SH3RF3: variants seen among roughly 807,000 people sequenced by gnomAD.
The protein encoded by SH3RF3 is SH3 domain containing ring finger 3.
In SH3RF3, 29 loss-of-function variants were observed where a neutral mutation model predicts 66.3. The ratio of observed to expected loss-of-function variants is 0.44; its 90% CI spans 0.33 to 0.60. The LOEUF (loss-of-function observed/expected upper bound fraction) is 0.60. Ranked by LOEUF, SH3RF3 falls within the 20% of genes least tolerant of loss-of-function variation. The probability of loss-of-function intolerance (pLI) is 0.04; values close to 1 mark genes in which losing one functional copy is unlikely to be tolerated. For synonymous variants in SH3RF3, 583 were observed against 532.0 expected (o/e 1.10, Z -1.32); for missense variants, 1,194 against 1,190.9 (o/e 1.00, Z -0.04).
chr2:109,361,267 T>C (rs1402265375), intron 2 of SH3RF3, among the ~76,000 whole-genome samples: 1 of 152,240 alleles, frequency 6.6e-6, no homozygotes, highest in Non-Finnish European at 1.5e-5. Flanking sequence ...GTTCATGAGA[T>C]ATATAGGTCT....
chr2:109,497,716 C>T (rs1679291264), intron 9 of SH3RF3, among the ~76,000 whole-genome samples: 1 of 152,212 alleles, frequency 6.6e-6, no homozygotes, highest in African/African-American at 2.4e-5. Flanking sequence ...ACGTTAAACA[C>T]TTGTCTCGTA....
chr2:109,193,713 G>A (rs183992095), intron 1 of SH3RF3, among the ~76,000 whole-genome samples: 11 of 152,284 alleles, frequency 7.2e-5, no homozygotes, highest in African/African-American at 2.4e-4. Flanking sequence ...TCAGTATGTA[G>A]TATACATTCT....
chr2:109,158,659 A>G (rs1291722024), intron 1 of SH3RF3, among the ~76,000 whole-genome samples: 1 of 152,210 alleles, frequency 6.6e-6, no homozygotes, highest in African/African-American at 2.4e-5. Context: ...GAGCATCCCT[A>G]TTTCTTCTGA....
At chr2:109,358,772 A>T (rs1409847338) in intron 2 of SH3RF3, among the ~76,000 whole-genome samples, 1 of 152,222 alleles carries the variant, frequency 6.6e-6, no homozygotes, top group Non-Finnish European at 1.5e-5. Flanking sequence ...TGCAGAGTAC[A>T]AATTACTAAT....
chr2:109,371,376 C>T (rs538703426), intron 2 of SH3RF3, among the ~76,000 whole-genome samples: 39 of 152,298 alleles, frequency 2.6e-4, no homozygotes, highest in Admixed American at 1.0e-3. Flanking sequence ...GGTGGCAGAG[C>T]GAGACTCCGC....
At chr2:109,142,886 A>G (rs908365702) in intron 1 of SH3RF3, among the ~76,000 whole-genome samples, 3 of 152,104 alleles carry the variant, frequency 2.0e-5, no homozygotes. Flanking sequence ...CAGGTTGAGG[A>G]ATTGTCAAGG....
intron 4 of SH3RF3, among the ~76,000 whole-genome samples, chr2:109,401,249 G>A (rs560210802): frequency 1.3e-5 from 2 of 152,232 alleles, no homozygotes; most frequent in Non-Finnish European, 1.5e-5. Flanking sequence ...AACTGTTGGC[G>A]ATGTGAACAG....
chr2:109,488,323 C>T (rs1573292863), intron 8 of SH3RF3, among the ~76,000 whole-genome samples: 1 of 152,304 alleles, frequency 6.6e-6, no homozygotes, highest in East Asian at 1.9e-4. Context: ...TTGTGACAGC[C>T]CAGATGTCTT....
intron 1 of SH3RF3, among the ~76,000 whole-genome samples, chr2:109,338,308 G>A (rs1291871300): frequency 3.9e-5 from 6 of 152,138 alleles, no homozygotes; most frequent in Admixed American, 1.3e-4. Flanking sequence ...CAGGCAGGGT[G>A]TGGCAGAATT....
At chr2:109,153,102 A>G (rs1482453497) in intron 1 of SH3RF3, among the ~76,000 whole-genome samples, 1 of 152,100 alleles carries the variant, frequency 6.6e-6, no homozygotes, top group Non-Finnish European at 1.5e-5. Context: ...TTGTCAGAAA[A>G]CCCATTCCCA....
rs141529387 is a variant in SH3RF3, at chr2:109,379,467, C to G, written c.945+7786C>G. On this transcript the variant is annotated intron_variant, in intron 3 of 9. Transcript: ENST00000309415. ...TTCACTGCTGGTGTTCCCTACACTT[C>G]TGCTGACAGATGTGGCCGCTGCTTC... 2.9e-4 allele frequency among the ~76,000 whole-genome samples: 44 copies of G among 152,352 alleles called. No homozygotes were observed. In the East Asian group the frequency reaches 7.3e-3, roughly 25 times the overall value.
intron 1 of SH3RF3, among the ~76,000 whole-genome samples, chr2:109,295,552 A>G (rs1681287540): frequency 6.6e-6 from 1 of 152,208 alleles, no homozygotes; most frequent in African/African-American, 2.4e-5. Flanking sequence ...TGTTGAGAGA[A>G]GGAGGTCTCA....
At chr2:109,142,161 G>A (rs1004881098) in intron 1 of SH3RF3, among the ~76,000 whole-genome samples, 2 of 152,052 alleles carry the variant, frequency 1.3e-5, no homozygotes, top group African/African-American at 2.4e-5. Flanking sequence ...GAGCAGCAAG[G>A]GAATGCTTCC....
At position 109,382,029 on chromosome 2, in the gene SH3RF3, A is replaced by G. The variant is rs565021945; in HGVS notation, c.945+10348A>G. On this transcript the variant is annotated intron_variant, in intron 3 of 9. Coordinates refer to ENST00000309415, the MANE Select transcript of SH3RF3 (RefSeq NM_001099289.3). ...CAAAGACAGCCTGTGCACAGCCTCC[A>G]TAAGTTGCTGAAACTGGCTTGAGGT... Among the ~76,000 whole-genome samples, 8 of 152,304 alleles carry G rather than the reference A, an allele frequency of 5.3e-5. No individual in the cohort carries two copies. In the East Asian group the frequency reaches 9.7e-4, roughly 18 times the overall value.
chr2:109,231,801 A>G (rs903123592), intron 1 of SH3RF3, among the ~76,000 whole-genome samples: 4 of 152,100 alleles, frequency 2.6e-5, no homozygotes, highest in African/African-American at 4.8e-5. Context: ...CCTCTTATTC[A>G]TTTTTAGTAA....
intron 1 of SH3RF3, among the ~76,000 whole-genome samples, chr2:109,273,557 G>A (rs973428270): frequency 5.9e-5 from 9 of 152,248 alleles, no homozygotes; most frequent in Non-Finnish European, 1.5e-5. Flanking sequence ...GAATGCATGT[G>A]AGGTGCCAGG....
intron 6 of SH3RF3, among the ~76,000 whole-genome samples, chr2:109,436,503 T>G (rs1413937613): frequency 6.6e-6 from 1 of 152,246 alleles, no homozygotes; most frequent in African/African-American, 2.4e-5. Flanking sequence ...CTTGCCATCC[T>G]TTCCCCAATG....
chr2:109,399,798 A>G (rs1290989476), intron 4 of SH3RF3, among the ~76,000 whole-genome samples: 1 of 152,216 alleles, frequency 6.6e-6, no homozygotes, highest in Non-Finnish European at 1.5e-5. Context: ...GGGCTTTCCC[A>G]GTGCCCGGCA....
intron 2 of SH3RF3, among the ~76,000 whole-genome samples, chr2:109,350,323 C>T (rs1320883630): frequency 1.3e-5 from 2 of 152,280 alleles, no homozygotes; most frequent in African/African-American, 2.4e-5. Flanking sequence ...TCTCCTGTTA[C>T]AGGATCTGTG....
Sources: allele counts gnomAD v4.1 joint callset (sites outside exome capture counted in the v4.1 genomes callset), GRCh38; gene constraint gnomAD v4.1.1; transcripts MANE v1.5; gene names NCBI Gene and HGNC (gene_info 2026-07-23, HGNC 2026-07-21).